The following MYO7B variants were observed in gnomAD, a reference collection of about 807,000 sequenced individuals.
MYO7B encodes the protein myosin VIIB.
In MYO7B, 212 loss-of-function variants were observed where a neutral mutation model predicts 259.7. The ratio of observed to expected loss-of-function variants is 0.82; its 90% CI spans 0.73 to 0.91. The LOEUF (loss-of-function observed/expected upper bound fraction) is 0.91, where lower values mean the gene tolerates loss of function less well. Ranked by LOEUF, MYO7B falls within the 40% of genes least tolerant of loss-of-function variation. The pLI is 0.00. For missense variants in MYO7B, 2,732 were observed against 2,813.5 expected (o/e 0.97, Z 0.66); for synonymous variants, 1,197 against 1,166.4 (o/e 1.03, Z -0.54).
rs577225503 is a variant in MYO7B at position 127,634,357 on chromosome 2, G to A, written c.5625+68G>A. 2.2e-5 allele frequency: 27 copies of A among 1,246,656 alleles called. No homozygotes were observed. The East Asian group carries it at 6.4e-4, about 29-fold the overall frequency. 77.2% of individuals were successfully genotyped at this position (1,246,656 alleles called of 1,614,324 possible). Reference sequence around the variant, plus strand: ...GTGAGCGAGGCCCTAGGTGCTGCCTGTGGGGGCCTCAGCCTACCAGGGGCA... The same window carrying A: ...GTGAGCGAGGCCCTAGGTGCTGCCTATGGGGGCCTCAGCCTACCAGGGGCA... On this transcript the variant is annotated intron_variant, in intron 41 of 47. Coordinates refer to ENST00000409816, the MANE Select transcript of MYO7B (RefSeq NM_001393586.1).
At chr2:127,549,131 C>CTCTT (rs752821210) in intron 1 of MYO7B, among the ~76,000 whole-genome samples, 1 of 143,506 alleles carries the variant, frequency 7.0e-6, no homozygotes, top group African/African-American at 2.8e-5. Flanking sequence ...TCTTCTTTCT[C>CTCTT]TCTTTCTTTC....
chr2:127,631,162 AG>A, intron 36 of MYO7B, 43 bp from the exon 37 acceptor site: 2 of 1,538,364 alleles, frequency 1.3e-6, no homozygotes, highest in Non-Finnish European at 8.8e-7. Flanking sequence ...CGTGGGACAG[AG>A]AAGGCCACAG....
At position 127,612,575 on chromosome 2, in the gene MYO7B, G is replaced by A. The variant is rs1362724662; in HGVS notation, c.3370G>A (p.Gly1124Ser). The A allele has an allele frequency of 6.8e-6, 11 of 1,608,212 alleles. No individual in the cohort carries two copies. The highest frequency in any genetic ancestry group is 9.3e-6 in the Non-Finnish European group (11 of 1,177,682). Reference protein sequence around the residue: ...SNLEKVHFIVGYAILRPSLRD... With the variant: ...SNLEKVHFIVSYAILRPSLRD... ...CCTGGAGAAGGTGCACTTCATCGTG[G>A]GCTACGCCATCCTGCGGCCCAGCCT... is the stretch of plus-strand genomic sequence containing the variant. The change falls in exon 26 of 48, where the codon GGC becomes AGC. Residue 1124 changes from glycine (G) to serine (S), a missense_variant. Gly to Ser is a moderately conservative substitution (Grantham distance 56). Coordinates refer to ENST00000409816, the MANE Select transcript of MYO7B (RefSeq NM_001393586.1).
chr2:127,631,091 C>CG, intron 36 of MYO7B, 115 bp from the exon 37 acceptor site: 1 of 1,420,590 alleles, frequency 7.0e-7, no homozygotes, highest in Non-Finnish European at 9.4e-7. Context: ...GAGGGGCTTG[C>CG]GGCAGGGTGG....
intron 2 of MYO7B, among the ~76,000 whole-genome samples, chr2:127,562,895 C>A (rs1261633646): frequency 6.6e-6 from 1 of 152,198 alleles, no homozygotes; most frequent in Non-Finnish European, 1.5e-5. Context: ...AGGTGTGAAC[C>A]ACCACATCCA....
chr2:127,563,034 A>G (rs1285725109), intron 2 of MYO7B, among the ~76,000 whole-genome samples: 1 of 151,858 alleles, frequency 6.6e-6, no homozygotes, highest in East Asian at 1.9e-4. Flanking sequence ...TTTTGCTTTC[A>G]TTCTGGTCTG....
intron 5 of MYO7B, among the ~76,000 whole-genome samples, chr2:127,569,396 T>C (rs1678491119): frequency 6.6e-6 from 1 of 152,070 alleles, no homozygotes; most frequent in African/African-American, 2.4e-5. Flanking sequence ...CAGATTCTGA[T>C]CAACAGAGCC....
Position 127,637,465 on chromosome 2 carries a change from C to T in MYO7B, c.*48C>T. ...TCAGGCGCCCTTCCCGACCTCTAGC[C>T]TGGCGGCACCTTCCCAGGCCCTCTC... is the stretch of plus-strand genomic sequence containing the variant. On this transcript the variant is annotated 3_prime_UTR_variant, in exon 48 of 48. Coordinates refer to ENST00000409816, the MANE Select transcript of MYO7B (RefSeq NM_001393586.1). 1.5e-6 allele frequency: 2 copies of T among 1,361,608 alleles called. No individual in the cohort carries two copies. Among genetic ancestry groups the T allele is most frequent in the Non-Finnish European group, 2.0e-6 (2 of 1,015,716 alleles). 84.3% of individuals were successfully genotyped at this position (1,361,608 alleles called of 1,614,324 possible).
At chr2:127,618,518 G>A (rs532712171) in intron 26 of MYO7B, among the ~76,000 whole-genome samples, 9 of 152,312 alleles carry the variant, frequency 5.9e-5, no homozygotes, top group African/African-American at 1.9e-4. Context: ...ACTTGTGCCT[G>A]GGTCGTGACT....
In MYO7B at chr2:127,628,504, C is replaced by T. The variant is rs754713878; in HGVS notation, c.4593C>T (p.Phe1531=). The T allele has an allele frequency of 8.5e-5, 120 of 1,405,766 alleles. No individual in the cohort carries two copies. Among genetic ancestry groups the T allele is most frequent in the Middle Eastern group, 2.1e-4 (1 of 4,674 alleles). 87.1% of individuals were successfully genotyped at this position (1,405,766 alleles called of 1,614,324 possible). A position where few individuals can be genotyped will look rare whatever the true frequency, so the allele number is the denominator to read the frequency against. Residue 1531 remains phenylalanine, a synonymous_variant, in exon 34 of 48, where the codon TTC becomes TTT. Coordinates refer to ENST00000409816, the MANE Select transcript of MYO7B (RefSeq NM_001393586.1). This position sits in a 1 kb window ranked among gnomAD's most constrained non-coding sequence, Gnocchi z 4.8. ...AGGGCCTGAAGGAGAGGTCCATTTT[C>T]GCCATGGCCCTGCAGGACAGGAAGG... ...FLEGLKERSI[F]AMALQDRKAT... is the part of the protein sequence containing the mutation.
At chr2:127,626,754 G>A (rs1681146498) in intron 31 of MYO7B, 1 of 485,430 alleles carries the variant, frequency 2.1e-6, no homozygotes, top group Non-Finnish European at 3.7e-6. Flanking sequence ...ACTCCAGCCT[G>A]GGTGACAGAG....
At chr2:127,587,568 CTT>C (rs61624532) in intron 14 of MYO7B, among the ~76,000 whole-genome samples, 124 of 122,372 alleles carry the variant, frequency 1.0e-3, no homozygotes, top group Admixed American at 1.5e-3. Context: ...TTCTTTCTTT[CTT>C]TTTTTTTTTT....
rs1240074433 is a variant in MYO7B, at chr2:127,620,429, G to A, written c.3488G>A (p.Cys1163Tyr). The change falls in exon 27 of 48, where the codon TGC becomes TAC. Residue 1163 changes from cysteine to tyrosine, a missense_variant. By Grantham distance (194) the Cys-to-Tyr change is radical. This residue lies in a region of MYO7B where 1,906 missense variants were observed against 2,026.4 expected (regional missense o/e 0.94). Transcript: ENST00000409816. ...LARGWILLSL[C>Y]LGCFPPSERF... The stretch of plus-strand genomic sequence containing the variant: ...CGGGGCTGGATCCTGCTCAGCCTCT[G>A]CCTCGGCTGCTTCCCACCCTCAGAG... The A allele has an allele frequency of 6.4e-7, 1 of 1,555,966 alleles. No individual in the cohort carries two copies. Among genetic ancestry groups the A allele is most frequent in the Admixed American group, 1.7e-5 (1 of 58,112 alleles).
In MYO7B at chr2:127,637,236, A is replaced by G. The variant is rs1001272783; in HGVS notation, c.6328-80A>G. The G allele has an allele frequency of 9.1e-6, 10 of 1,104,808 alleles. No homozygotes were observed. In the African/African-American group the frequency reaches 1.6e-4, roughly 17 times the overall value. 68.4% of individuals were successfully genotyped at this position (1,104,808 alleles called of 1,614,324 possible). A position where few individuals can be genotyped will look rare whatever the true frequency, so the allele number is the denominator to read the frequency against. ...TGCCCTGCACTGCTGGTTGCTGAGG[A>G]AGAGAAGGTGGTCCCTGAGTCCAGG... On this transcript the variant is annotated intron_variant, in intron 47 of 47. Transcript: ENST00000409816.
At chr2:127,599,032 T>C (rs1414430204) in intron 19 of MYO7B, among the ~76,000 whole-genome samples, 1 of 152,226 alleles carries the variant, frequency 6.6e-6, no homozygotes, top group African/African-American at 2.4e-5. Context: ...TCAAAAGTGT[T>C]TTAGTTATTG....
chr2:127,635,471 A>G (rs1297552359), intron 43 of MYO7B: 1 of 624,550 alleles, frequency 1.6e-6, no homozygotes, highest in East Asian at 2.7e-5. Context: ...GGGTCCTGTG[A>G]CCCATGGAGC....
In MYO7B at chr2:127,580,822, G is replaced by GCT. The variant is rs780122677; in HGVS notation, c.1080_1080+1insCT (p.Val361LeufsTer11). On this transcript the variant is annotated frameshift_variant and splice_region_variant. Coordinates refer to ENST00000409816, the MANE Select transcript of MYO7B (RefSeq NM_001393586.1). LOFTEE classifies it high-confidence loss of function. Reference sequence around the variant, plus strand: ...TTCCCACCGTGATGAAGTTACTGGAGGTAGGGGTGCTGTGCCCACAGCTTC... The same window carrying GCT: ...TTCCCACCGTGATGAAGTTACTGGAGCTGTAGGGGTGCTGTGCCCACAGCTTC... 58 of 1,612,460 alleles carry GCT rather than the reference G, an allele frequency of 3.6e-5. No homozygotes were observed. Among genetic ancestry groups the GCT allele is most frequent in the Admixed American group, 1.7e-5 (1 of 59,830 alleles).
At chr2:127,600,281 A>G (rs1336509818) in intron 19 of MYO7B, among the ~76,000 whole-genome samples, 1 of 152,196 alleles carries the variant, frequency 6.6e-6, no homozygotes, top group Non-Finnish European at 1.5e-5. Context: ...TATGCATGTC[A>G]ATTTGTTCAT....
chr2:127,560,782 C>A (rs1678052589), intron 2 of MYO7B, among the ~76,000 whole-genome samples: 1 of 152,150 alleles, frequency 6.6e-6, no homozygotes, highest in African/African-American at 2.4e-5. Context: ...AGAAAATGCC[C>A]CGAATGTTCT....
Sources: gnomAD v4.1 joint callset for allele counts (sites outside exome capture counted in the v4.1 genomes callset) on GRCh38, gnomAD v4.1.1 for gene constraint, gnomAD v4.1.1 regional missense constraint, Gnocchi (gnomAD v3.1) non-coding constraint, MANE v1.5 for transcripts, NCBI Gene and HGNC (gene_info 2026-07-23, HGNC 2026-07-21) for gene names.